Variants in MKLN1 observed in about 807,000 individuals in gnomAD.
MKLN1 encodes the protein muskelin 1.
Under a neutral mutation model 99.0 loss-of-function variants are expected in MKLN1, and 18 were observed. The ratio of observed to expected loss-of-function variants is 0.18; its 90% CI spans 0.13 to 0.27. MKLN1 has a LOEUF of 0.27. Ranked by LOEUF, MKLN1 falls within the 10% of genes least tolerant of loss-of-function variation. The pLI is 1.00. For missense variants in MKLN1, 621 were observed against 875.9 expected, an observed-to-expected ratio of 0.71 and a Z score of 3.67; for synonymous variants, 288 against 293.2, an observed-to-expected ratio of 0.98 and a Z score of 0.18.
chr7:131,177,196 G>T (rs557632336), intron 2 of MKLN1, among the ~76,000 whole-genome samples: 1 of 152,116 alleles, frequency 6.6e-6, no homozygotes, highest in African/African-American at 2.4e-5. Flanking sequence ...TGGGCAGGGC[G>T]CAGTGGCTCA....
chr7:131,480,020 C>CA (rs1224471886), intron 17 of MKLN1, among the ~76,000 whole-genome samples: 9,184 of 60,216 alleles, frequency 0.15, 751 homozygotes, highest in East Asian at 0.31. Flanking sequence ...GACTCCATCT[C>CA]AAAAAAAAAA....
At chr7:131,244,813 C>A (rs997888106) in intron 3 of MKLN1, among the ~76,000 whole-genome samples, 1 of 152,034 alleles carries the variant, frequency 6.6e-6, no homozygotes, top group African/African-American at 2.4e-5. Flanking sequence ...CTTTTCTTTC[C>A]CTCTTCATCC....
rs34255726 is a variant in MKLN1 at position 131,245,268 on chromosome 7, C to CTTT, written c.-179+42310_-179+42312dup. On this transcript the variant is annotated intron_variant, in intron 3 of 7. Coordinates refer to the MKLN1 transcript ENST00000416992. The stretch of plus-strand genomic sequence containing the variant: ...TGATCCCATAAGATTATTATACGGT[C>CTTT]TTTTTTTTTTTTTTTTTTGAGACAG... Among the ~76,000 whole-genome samples, 42 of 129,600 alleles carry CTTT rather than the reference C, an allele frequency of 3.2e-4. 2 individuals are homozygous for CTTT. The highest frequency in any genetic ancestry group is 1.1e-3 in the African/African-American group (37 of 34,490). 85.0% of individuals were successfully genotyped at this position (129,600 alleles called of 152,430 possible). A position where few individuals can be genotyped will look rare whatever the true frequency, so the allele number is the denominator to read the frequency against.
Position 131,492,908 on chromosome 7 carries a change from C to T in MKLN1, c.*5180C>T, listed in dbSNP as rs190014390. ...CTAGTGGTGCAGAGAGAAATGCCAT[C>T]GGGGAAATTATCACTGTCTTTTTGG... On this transcript the variant is annotated 3_prime_UTR_variant, in exon 18 of 18. Coordinates refer to ENST00000352689, the MANE Select transcript of MKLN1 (RefSeq NM_013255.5). The T allele has an allele frequency of 5.9e-5, 9 of 151,988 alleles. No homozygotes were observed. Among genetic ancestry groups the T allele is most frequent in the East Asian group, 5.8e-4 (3 of 5,184 alleles). The allele number at this position is 151,988 out of a possible 1,614,324, so 9.4% of individuals were successfully genotyped here.
intron 1 of MKLN1, among the ~76,000 whole-genome samples, chr7:131,136,608 T>C (rs1795651962): frequency 6.6e-6 from 1 of 152,220 alleles, no homozygotes; most frequent in African/African-American, 2.4e-5. Flanking sequence ...CTTACATGAC[T>C]GAGGACAATA....
At position 131,484,527 on chromosome 7, in the gene MKLN1, C is replaced by T. The variant is rs887456125; in HGVS notation, c.2087-3080C>T. Reference sequence around the variant, plus strand: ...GTGTGACAATGAAATGTAATCATACCTAAAGTACCTACCACACAGGAACTC... The same window carrying T: ...GTGTGACAATGAAATGTAATCATACTTAAAGTACCTACCACACAGGAACTC... On this transcript the variant is annotated intron_variant, in intron 17 of 17. Transcript: ENST00000352689. Among the ~76,000 whole-genome samples the T allele has an allele frequency of 6.6e-5, 10 of 152,062 alleles. 1 individual carries two copies. Among genetic ancestry groups the T allele is most frequent in the African/African-American group, 2.2e-4 (9 of 41,416 alleles).
intron 15 of MKLN1, among the ~76,000 whole-genome samples, chr7:131,467,030 G>T (rs1796684640): frequency 6.6e-6 from 1 of 152,108 alleles, no homozygotes; most frequent in African/African-American, 2.4e-5. Flanking sequence ...CTCTCCTTTT[G>T]GTTACTGTAG....
intron 2 of MKLN1, among the ~76,000 whole-genome samples, chr7:131,381,912 G>C (rs560666110): frequency 6.6e-6 from 1 of 152,190 alleles, no homozygotes; most frequent in South Asian, 2.1e-4. Context: ...CAAACATACT[G>C]GCAAGCGCAA....
chr7:131,146,167 C>T (rs1795812788), intron 2 of MKLN1, among the ~76,000 whole-genome samples: 1 of 152,176 alleles, frequency 6.6e-6, no homozygotes, highest in East Asian at 1.9e-4. Flanking sequence ...AGATCCCAAA[C>T]CTTAATTATT....
chr7:131,193,802 A>T (rs886824463), intron 2 of MKLN1, among the ~76,000 whole-genome samples: 14 of 151,934 alleles, frequency 9.2e-5, no homozygotes, highest in Admixed American at 2.6e-4. Flanking sequence ...AAATTTTTAA[A>T]TTTTTTGTAG....
At chr7:131,323,260 G>C (rs1798819728), upstream of MKLN1, 1 of 152,216 alleles carries the variant, frequency 6.6e-6, no homozygotes, top group South Asian at 2.1e-4. Context: ...CGGCAGAAAG[G>C]GATGAGTTCA....
At chr7:131,334,075 C>T (rs1799181336) in intron 1 of MKLN1, among the ~76,000 whole-genome samples, 1 of 152,104 alleles carries the variant, frequency 6.6e-6, no homozygotes, top group South Asian at 2.1e-4. Flanking sequence ...CTTCTCTATC[C>T]CTTTACTTTA....
intron 17 of MKLN1, among the ~76,000 whole-genome samples, chr7:131,479,676 A>C (rs980486495): frequency 6.6e-6 from 1 of 151,786 alleles, no homozygotes; most frequent in Non-Finnish European, 1.5e-5. Flanking sequence ...AATACCAAAA[A>C]ATTAGCAGGG....
intron 2 of MKLN1, among the ~76,000 whole-genome samples, chr7:131,198,333 A>G (rs1383309300): frequency 6.6e-6 from 1 of 152,248 alleles, no homozygotes; most frequent in Non-Finnish European, 1.5e-5. Context: ...AGTAGGACAC[A>G]TGTCGTCAGG....
rs1461400865 is a variant in MKLN1, at chr7:131,493,115, GAAAGCTGTAGGATCA to G, written c.*5389_*5403del. The G allele has an allele frequency of 6.6e-6, 1 of 152,242 alleles. No individual in the cohort carries two copies. The highest frequency in any genetic ancestry group is 1.5e-5 in the Non-Finnish European group (1 of 68,044). 9.4% of individuals were successfully genotyped at this position (152,242 alleles called of 1,614,324 possible). A position where few individuals can be genotyped will look rare whatever the true frequency, so the allele number is the denominator to read the frequency against. ...ACAGAATTTAACATGAATGTTGTCT[GAAAGCTGTAGGATCA>G]ATGGCAAAAAAGGGGAAATGTTTGG... is the stretch of plus-strand genomic sequence containing the variant. On this transcript the variant is annotated 3_prime_UTR_variant, in exon 18 of 18. Coordinates refer to ENST00000352689, the MANE Select transcript of MKLN1 (RefSeq NM_013255.5).
chr7:131,157,216 CA>C (rs964139326), intron 2 of MKLN1, among the ~76,000 whole-genome samples: 2 of 151,976 alleles, frequency 1.3e-5, no homozygotes, highest in Non-Finnish European at 2.9e-5. Context: ...CCTGTCTCTA[CA>C]AAAAATACAA....
intron 3 of MKLN1, among the ~76,000 whole-genome samples, chr7:131,250,176 A>C (rs1327737532): frequency 2.0e-5 from 3 of 152,196 alleles, no homozygotes; most frequent in Non-Finnish European, 2.9e-5. Flanking sequence ...GCCACAGGCG[A>C]GTCCTGAAGA....
intron 1 of MKLN1, among the ~76,000 whole-genome samples, chr7:131,346,186 A>G (rs1050852816): frequency 3.9e-5 from 6 of 152,206 alleles, no homozygotes; most frequent in Admixed American, 1.3e-4. Context: ...TTTTTCTTCT[A>G]TTGATACTTT....
At chr7:131,123,599 C>T (rs1795408801) in intron 1 of MKLN1, among the ~76,000 whole-genome samples, 3 of 152,110 alleles carry the variant, frequency 2.0e-5, no homozygotes, top group Admixed American at 6.6e-5. Context: ...ACCAACCTGG[C>T]CAACATGGTG....
Sources: gnomAD v4.1 joint callset for allele counts (sites outside exome capture counted in the v4.1 genomes callset) on GRCh38, gnomAD v4.1.1 for gene constraint, MANE v1.5 for transcripts, NCBI Gene and HGNC (gene_info 2026-07-23, HGNC 2026-07-21) for gene names.